The following RBM20 variants were observed in gnomAD, a reference collection of about 807,000 sequenced individuals.
RBM20 encodes the protein RNA binding motif protein 20.
In RBM20, 51 loss-of-function variants were observed where a neutral mutation model predicts 110.1. The ratio of observed to expected loss-of-function variants is 0.46; its 90% confidence interval spans 0.37 to 0.59. RBM20 has a LOEUF of 0.59. Ranked by LOEUF, RBM20 falls within the 20% of genes least tolerant of loss-of-function variation. The pLI is 0.00. For synonymous variants in RBM20, 589 were observed against 618.2 expected (o/e 0.95, Z 0.70); for missense variants, 1,512 against 1,574.9 (o/e 0.96, Z 0.68).
chr10:110,812,769 G>A lies in RBM20; in HGVS notation c.2372G>A (p.Arg791Gln), dbSNP rs757091864. The A allele has an allele frequency of 7.1e-6, 11 of 1,551,678 alleles. No homozygotes were observed. Among genetic ancestry groups the A allele is most frequent in the African/African-American group, 1.4e-5 (1 of 73,168 alleles). Residue 791 changes from arginine to glutamine, a missense_variant, in exon 9 of 14, where the codon CGG becomes CAG. By Grantham distance (43) the Arg-to-Gln change is conservative. Coordinates refer to ENST00000369519, the MANE Select transcript of RBM20 (RefSeq NM_001134363.3). The stretch of plus-strand genomic sequence containing the variant: ...AGGAGGAAAGACGAGGCCAGGCTGC[G>A]GGAAAGCAGACACCCCCATCCGGAT... ...RSRRKDEARL[R>Q]ESRHPHPDDS...
At chr10:110,723,631 G>A (rs2134936641) in intron 1 of RBM20, among the ~76,000 whole-genome samples, 1 of 152,304 alleles carries the variant, frequency 6.6e-6, no homozygotes. Context: ...TGGATATGAA[G>A]GGGAAACTCA....
intron 1 of RBM20, among the ~76,000 whole-genome samples, chr10:110,683,226 G>T (rs4918559): frequency 0.87 from 131,830 of 152,114 alleles, 60,293 homozygotes; most frequent in East Asian, 1. Context: ...TTTGTGGGCA[G>T]CCGGTGCCCT....
At chr10:110,673,225 T>C (rs1297877938) in intron 1 of RBM20, among the ~76,000 whole-genome samples, 1 of 152,152 alleles carries the variant, frequency 6.6e-6, no homozygotes, top group Non-Finnish European at 1.5e-5. Context: ...TTTTTCCTTT[T>C]TTCTGAGACG....
chr10:110,769,285 A>C (rs1472889736), intron 1 of RBM20, among the ~76,000 whole-genome samples: 1 of 152,136 alleles, frequency 6.6e-6, no homozygotes, highest in African/African-American at 2.4e-5. Flanking sequence ...TGTTTGTTTT[A>C]GCCTAAGCCT....
chr10:110,812,529 G>T lies in RBM20; in HGVS notation c.2132G>T (p.Arg711Leu). ...AGGATGGACCCCTGGGCACATGATC[G>T]CAAACACCACCCCCGGCAACTGGAC... ...RDRMDPWAHD[R>L]KHHPRQLDKA... The change falls in exon 9 of 14, where the codon CGC becomes CTC. Residue 711 changes from arginine to leucine, a missense_variant. This residue lies in a region of RBM20 where 1,149 missense variants were observed against 1,169.4 expected (regional missense o/e 0.98). Coordinates refer to ENST00000369519, the MANE Select transcript of RBM20 (RefSeq NM_001134363.3). 6.4e-7 allele frequency: 1 copy of T among 1,551,726 alleles called. No homozygotes were observed. The highest frequency in any genetic ancestry group is 1.7e-4 in the Middle Eastern group (1 of 5,992).
chr10:110,745,471 CA>C (rs1843768910), intron 1 of RBM20, among the ~76,000 whole-genome samples: 1 of 152,208 alleles, frequency 6.6e-6, no homozygotes, highest in Non-Finnish European at 1.5e-5. Flanking sequence ...CTCCTGTCCC[CA>C]CTAGCTTTTG....
intron 1 of RBM20, among the ~76,000 whole-genome samples, chr10:110,736,619 A>C (rs1843673184): frequency 6.6e-6 from 1 of 152,030 alleles, no homozygotes; most frequent in Non-Finnish European, 1.5e-5. Flanking sequence ...CTGGGAATGC[A>C]GAAACATGCC....
intron 1 of RBM20, among the ~76,000 whole-genome samples, chr10:110,688,292 T>C (rs115820823): frequency 5.1e-4 from 77 of 152,304 alleles, no homozygotes; most frequent in African/African-American, 1.9e-3. Flanking sequence ...AGTCTTTATT[T>C]TTAATCTCAC....
intron 12 of RBM20, among the ~76,000 whole-genome samples, chr10:110,825,293 G>A (rs745724673): frequency 7.2e-5 from 11 of 152,136 alleles, no homozygotes; most frequent in African/African-American, 2.4e-4. Flanking sequence ...GAAATATAAC[G>A]CAAGTCTCTT....
chr10:110,691,676 C>A (rs928226311), intron 1 of RBM20, among the ~76,000 whole-genome samples: 4 of 152,082 alleles, frequency 2.6e-5, no homozygotes, highest in African/African-American at 9.7e-5. Flanking sequence ...GAATATAACC[C>A]TTTATCAAGC....
chr10:110,837,904 T>C lies in RBM20; in HGVS notation c.*1926T>C, dbSNP rs1431422505. 1.3e-5 allele frequency: 2 copies of C among 152,142 alleles called. No individual in the cohort carries two copies. The highest frequency in any genetic ancestry group is 6.5e-5 in the Admixed American group (1 of 15,272). 9.4% of individuals were successfully genotyped at this position (152,142 alleles called of 1,614,324 possible). A position where few individuals can be genotyped will look rare whatever the true frequency, so the allele number is the denominator to read the frequency against. ...TCATCAGGCTATTAAATAAAATTTA[T>C]AGGAGGCTGTTGGTTTGGACTGAGC... On this transcript the variant is annotated 3_prime_UTR_variant, in exon 14 of 14. Coordinates refer to ENST00000369519, the MANE Select transcript of RBM20 (RefSeq NM_001134363.3).
intron 11 of RBM20, 78 bp downstream of exon 11, chr10:110,822,013 G>C: frequency 7.3e-7 from 1 of 1,370,384 alleles, no homozygotes; most frequent in Admixed American, 2.0e-5. Flanking sequence ...AGCATGTGCA[G>C]GCTGGAATGA....
chr10:110,658,271 A>T (rs1054260716), intron 1 of RBM20, among the ~76,000 whole-genome samples: 2 of 152,224 alleles, frequency 1.3e-5, no homozygotes, highest in Non-Finnish European at 2.9e-5. Flanking sequence ...GGGGAAACTT[A>T]CACACCTGTG....
At chr10:110,788,625 G>A (rs1465657379) in intron 5 of RBM20, among the ~76,000 whole-genome samples, 2 of 152,196 alleles carry the variant, frequency 1.3e-5, no homozygotes, top group Admixed American at 1.3e-4. Context: ...GAATGCAGGT[G>A]TATCTGTCTT....
intron 1 of RBM20, among the ~76,000 whole-genome samples, chr10:110,647,739 T>C (rs1861888576): frequency 6.6e-6 from 1 of 152,220 alleles, no homozygotes; most frequent in Non-Finnish European, 1.5e-5. Context: ...TTTAAAATTA[T>C]TTTGTTTTAA....
chr10:110,688,249 A>G (rs1032064651), intron 1 of RBM20, among the ~76,000 whole-genome samples: 2 of 152,176 alleles, frequency 1.3e-5, no homozygotes, highest in African/African-American at 4.8e-5. Flanking sequence ...TTTGGCAACA[A>G]AATCTGACTT....
chr10:110,695,020 A>G (rs1391557840), intron 1 of RBM20, among the ~76,000 whole-genome samples: 1 of 152,222 alleles, frequency 6.6e-6, no homozygotes, highest in African/African-American at 2.4e-5. Flanking sequence ...TTTGATTGAC[A>G]GGGCAAAACT....
upstream of RBM20, among the ~76,000 whole-genome samples, chr10:110,644,127 C>G (rs1056396744): frequency 6.6e-6 from 1 of 152,154 alleles, no homozygotes; most frequent in Non-Finnish European, 1.5e-5. The surrounding 1 kb of genome is among the most constrained non-coding windows in gnomAD (Gnocchi z 4.3). Flanking sequence ...ACGCCGCGCT[C>G]CCTCCCCGCT....
chr10:110,676,326 A>G (rs1037028612), intron 1 of RBM20, among the ~76,000 whole-genome samples: 2 of 152,206 alleles, frequency 1.3e-5, no homozygotes, highest in African/African-American at 4.8e-5. Context: ...CCTGCATCTC[A>G]CAGAGAGAGA....
Sources: gnomAD v4.1 joint callset for allele counts (sites outside exome capture counted in the v4.1 genomes callset) on GRCh38, gnomAD v4.1.1 for gene constraint, gnomAD v4.1.1 regional missense constraint, Gnocchi (gnomAD v3.1) non-coding constraint, MANE v1.5 for transcripts, NCBI Gene and HGNC (gene_info 2026-07-23, HGNC 2026-07-21) for gene names.